RNGTT: variants seen among roughly 807,000 people sequenced by gnomAD.
RNGTT encodes the protein mRNA-capping enzyme.
Under a neutral mutation model 79.3 loss-of-function variants are expected in RNGTT, and 33 were observed. The observed-to-expected ratio is 0.42, with a 90% confidence interval of 0.32 to 0.56. RNGTT has a LOEUF of 0.56. Among genes scored for constraint, RNGTT ranks in the 20% least tolerant of loss-of-function variants. RNGTT has a pLI of 0.17. For missense variants in RNGTT, 497 were observed against 739.1 expected, an observed-to-expected ratio of 0.67 and a Z score of 3.80; for synonymous variants, 222 against 235.9, an observed-to-expected ratio of 0.94 and a Z score of 0.54.
At chr6:88,709,102 G>A (rs550609050) in intron 13 of RNGTT, among the ~76,000 whole-genome samples, 1 of 152,220 alleles carries the variant, frequency 6.6e-6, no homozygotes, top group South Asian at 2.1e-4. Flanking sequence ...GAGGTCAGGA[G>A]TTCGAGACCA....
At chr6:88,642,180 A>T (rs561412484) in intron 14 of RNGTT, among the ~76,000 whole-genome samples, 12 of 152,326 alleles carry the variant, frequency 7.9e-5, no homozygotes, top group African/African-American at 2.9e-4. Context: ...CCAGAATTTG[A>T]CCTTGAGAAA....
intron 11 of RNGTT, among the ~76,000 whole-genome samples, chr6:88,803,108 C>G: frequency 6.6e-6 from 1 of 152,152 alleles, no homozygotes; most frequent in Admixed American, 6.6e-5. Context: ...ATCTTCTCTG[C>G]CATTTCATCC....
At chr6:88,768,144 G>A (rs1483172100) in intron 13 of RNGTT, among the ~76,000 whole-genome samples, 4 of 150,702 alleles carry the variant, frequency 2.7e-5, no homozygotes, top group Non-Finnish European at 4.4e-5. Context: ...GGGATAGTGT[G>A]TGTGTGTGTG....
intron 4 of RNGTT, among the ~76,000 whole-genome samples, chr6:88,924,950 G>A (rs974797689): frequency 2.0e-5 from 3 of 151,872 alleles, no homozygotes; most frequent in African/African-American, 7.3e-5. Context: ...CAAACCCCTG[G>A]CTTCAAGTGA....
At position 88,615,470 on chromosome 6, in the gene RNGTT, C is replaced by A. The variant is rs116120173; in HGVS notation, c.1507-1075G>T. ...TTCAACAAATCCAACAGGTGCAATA[C>A]ACTCAGTGGTTTTGGAACTAGACAT... On this transcript the variant is annotated intron_variant, in intron 14 of 15. Coordinates refer to ENST00000369485, the MANE Select transcript of RNGTT (RefSeq NM_003800.5). Among the ~76,000 whole-genome samples, 1,505 of 152,256 alleles carry A rather than the reference C, an allele frequency of 9.9e-3. 21 individuals carry two copies. Among genetic ancestry groups the A allele is most frequent in the African/African-American group, 0.034 (1,401 of 41,550 alleles).
chr6:88,854,463 G>T (rs1013488034), intron 8 of RNGTT, among the ~76,000 whole-genome samples: 1 of 152,050 alleles, frequency 6.6e-6, no homozygotes, highest in Admixed American at 6.6e-5. Flanking sequence ...TAACTATATG[G>T]ATTAGGTATT....
intron 13 of RNGTT, among the ~76,000 whole-genome samples, chr6:88,722,018 GGTTGGCATACACAT>G (rs1776725934): frequency 6.6e-6 from 1 of 151,524 alleles, no homozygotes; most frequent in South Asian, 2.1e-4. Flanking sequence ...CTAGCACAAA[GGTTGGCATACACAT>G]GCCTCAAAAA....
chr6:88,657,443 A>G (rs1003347246), intron 14 of RNGTT, among the ~76,000 whole-genome samples: 1 of 152,248 alleles, frequency 6.6e-6, no homozygotes, highest in Non-Finnish European at 1.5e-5. Context: ...GAAGGCAGCC[A>G]GCAGAATTGG....
chr6:88,612,640 T>C lies in RNGTT; in HGVS notation c.*79A>G. On this transcript the variant is annotated 3_prime_UTR_variant, in exon 16 of 16. Coordinates refer to ENST00000369485, the MANE Select transcript of RNGTT (RefSeq NM_003800.5). Reference sequence around the variant, plus strand: ...ACATCAAGCCACAGTCGTTTTTCAATTTCTCTGGCTACAAAAATGGGCAAC... The same window carrying C: ...ACATCAAGCCACAGTCGTTTTTCAACTTCTCTGGCTACAAAAATGGGCAAC... 1 of 1,139,942 alleles carries C rather than the reference T, an allele frequency of 8.8e-7. No individual in the cohort carries two copies. Among genetic ancestry groups the C allele is most frequent in the Non-Finnish European group, 1.2e-6 (1 of 810,120 alleles). 70.6% of individuals were successfully genotyped at this position (1,139,942 alleles called of 1,614,324 possible).
At chr6:88,803,576 C>CAAAAAA (rs146140117) in intron 11 of RNGTT, among the ~76,000 whole-genome samples, 4 of 56,112 alleles carry the variant, frequency 7.1e-5, no homozygotes, top group Non-Finnish European at 1.4e-4. Context: ...GACTCCATCT[C>CAAAAAA]AAAAAAAAAA....
intron 13 of RNGTT, among the ~76,000 whole-genome samples, chr6:88,764,173 C>T (rs924114034): frequency 3.9e-5 from 6 of 152,208 alleles, no homozygotes; most frequent in Non-Finnish European, 5.9e-5. Flanking sequence ...GCATGGTAGA[C>T]GCTTCCTGCA....
At chr6:88,619,735 A>G (rs1237413452) in intron 14 of RNGTT, among the ~76,000 whole-genome samples, 1 of 152,226 alleles carries the variant, frequency 6.6e-6, no homozygotes, top group Non-Finnish European at 1.5e-5. Context: ...CTACTTCTAT[A>G]GTGTGACAGA....
chr6:88,792,036 C>A (rs1055115166), intron 12 of RNGTT, among the ~76,000 whole-genome samples: 3 of 152,090 alleles, frequency 2.0e-5, no homozygotes, highest in African/African-American at 7.2e-5. Context: ...AGAAATTAAT[C>A]AATGATACTA....
chr6:88,873,745 A>G (rs988021908), intron 8 of RNGTT, among the ~76,000 whole-genome samples: 10 of 151,842 alleles, frequency 6.6e-5, no homozygotes, highest in African/African-American at 2.4e-4. Flanking sequence ...ACACATTTTT[A>G]AGACATTATC....
At chr6:88,799,933 G>A (rs1369171685) in intron 12 of RNGTT, among the ~76,000 whole-genome samples, 2 of 151,942 alleles carry the variant, frequency 1.3e-5, no homozygotes, top group African/African-American at 2.4e-5. Flanking sequence ...GAATATATTA[G>A]AACTAAAAGA....
At chr6:88,661,749 G>C (rs1774195252) in intron 14 of RNGTT, among the ~76,000 whole-genome samples, 1 of 152,028 alleles carries the variant, frequency 6.6e-6, no homozygotes, top group African/African-American at 2.4e-5. Context: ...CATATTCAAA[G>C]AGTTGGTACC....
At chr6:88,862,075 T>C (rs956541604) in intron 8 of RNGTT, among the ~76,000 whole-genome samples, 20 of 152,310 alleles carry the variant, frequency 1.3e-4, no homozygotes, top group Admixed American at 8.5e-4. Context: ...GCATCTGTGA[T>C]ATTGTGAAAT....
At chr6:88,863,761 T>G (rs185190805) in intron 8 of RNGTT, among the ~76,000 whole-genome samples, 1 of 152,256 alleles carries the variant, frequency 6.6e-6, no homozygotes, top group African/African-American at 2.4e-5. Flanking sequence ...GGAGCAAATT[T>G]TTTCCAAACT....
At chr6:88,891,998 G>T in intron 6 of RNGTT, 83 bp from the exon 7 acceptor site, 1 of 931,694 alleles carries the variant, frequency 1.1e-6, no homozygotes, top group Non-Finnish European at 1.5e-6. Flanking sequence ...GAGACTGAGA[G>T]ATAAATTAGT....
Sources: gnomAD v4.1 joint callset for allele counts (sites outside exome capture counted in the v4.1 genomes callset) on GRCh38, gnomAD v4.1.1 for gene constraint, MANE v1.5 for transcripts, NCBI Gene and HGNC (gene_info 2026-07-23, HGNC 2026-07-21) for gene names.